NAPG: variants seen among roughly 807,000 people sequenced by gnomAD.
NAPG encodes gamma-soluble NSF attachment protein.
In NAPG, 25 loss-of-function variants were observed where a neutral mutation model predicts 48.4. The observed-to-expected ratio is 0.52, with a 90% confidence interval of 0.38 to 0.72. The LOEUF (loss-of-function observed/expected upper bound fraction) is 0.72. Among genes scored for constraint, NAPG ranks in the 30% least tolerant of loss-of-function variants. NAPG has a pLI of 0.00. For missense variants in NAPG, 359 were observed against 372.5 expected, an observed-to-expected ratio of 0.96 and a Z score of 0.30; for synonymous variants, 139 against 127.2, an observed-to-expected ratio of 1.09 and a Z score of -0.62.
chr18:10,538,653 C>T (rs1173602312), intron 5 of NAPG, among the ~76,000 whole-genome samples: 1 of 152,164 alleles, frequency 6.6e-6, no homozygotes, highest in African/African-American at 2.4e-5. Context: ...ATGATGAACT[C>T]TGTGTAGAAA....
chr18:10,548,870 C>G lies in NAPG; in HGVS notation c.666-97C>G, dbSNP rs73392655. ...CCCACACTTTTAAGTACCAAAATGT[C>G]TCCAGACAGTGTCACATGCCAGGGG... On this transcript the variant is annotated intron_variant, in intron 10 of 11. Transcript: ENST00000322897. The surrounding 1 kb of genome is among the most constrained non-coding windows in gnomAD (Gnocchi z 4.4). The G allele has an allele frequency of 5.6e-4, 813 of 1,451,718 alleles. 4 individuals carry two copies. The African/African-American group carries it at 0.01, about 18-fold the overall frequency. 89.9% of individuals were successfully genotyped at this position (1,451,718 alleles called of 1,614,324 possible).
rs1469357436 is a variant in NAPG, at chr18:10,551,820, A to T, written c.*1600A>T. The stretch of plus-strand genomic sequence containing the variant: ...GATGTTGGTATACAGTCTTTATTGT[A>T]AGTCTGATACAAAATGCTAATAAAT... On this transcript the variant is annotated 3_prime_UTR_variant, in exon 12 of 12. Transcript: ENST00000322897. 1.3e-5 allele frequency: 2 copies of T among 152,228 alleles called. No homozygotes were observed. Among genetic ancestry groups the T allele is most frequent in the Non-Finnish European group, 2.9e-5 (2 of 68,044 alleles). The allele number at this position is 152,228 out of a possible 1,614,324, so 9.4% of individuals were successfully genotyped here.
chr18:10,539,723 T>A lies in NAPG; in HGVS notation c.259-39T>A, dbSNP rs1262330231. ...GTTAACTCTGTTTTTCTTTAATTGATGCATTTGCTGACCTGTCTACTGTAT... is the reference window on the plus strand; with the variant it reads ...GTTAACTCTGTTTTTCTTTAATTGAAGCATTTGCTGACCTGTCTACTGTAT... On this transcript the variant is annotated intron_variant, in intron 5 of 11. Transcript: ENST00000322897. The surrounding 1 kb of genome is among the most constrained non-coding windows in gnomAD (Gnocchi z 4.7). The A allele has an allele frequency of 1.1e-5, 16 of 1,432,152 alleles. No homozygotes were observed. The highest frequency in any genetic ancestry group is 1.6e-5 in the Non-Finnish European group (16 of 1,026,208). The allele number at this position is 1,432,152 out of a possible 1,614,324, so 88.7% of individuals were successfully genotyped here. A position where few individuals can be genotyped will look rare whatever the true frequency, so the allele number is the denominator to read the frequency against.
chr18:10,538,390 A>C (rs2032079378), intron 5 of NAPG, among the ~76,000 whole-genome samples: 2 of 152,142 alleles, frequency 1.3e-5, no homozygotes, highest in African/African-American at 4.8e-5. Flanking sequence ...GTAGCTTTTG[A>C]TATTTTTTTG....
chr18:10,539,898 C>T lies in NAPG; in HGVS notation c.368+27C>T, dbSNP rs370625861. On this transcript the variant is annotated intron_variant, in intron 6 of 11. Coordinates refer to ENST00000322897, the MANE Select transcript of NAPG (RefSeq NM_003826.3). The surrounding 1 kb of genome is among the most constrained non-coding windows in gnomAD (Gnocchi z 4.7). Reference sequence around the variant, plus strand: ...TGAGTGTGAGATGGACAAGTCTCTGCATAGAAGTCTTGTCTTTTTGTTTTA... The same window carrying T: ...TGAGTGTGAGATGGACAAGTCTCTGTATAGAAGTCTTGTCTTTTTGTTTTA... 57 of 1,606,704 alleles carry T rather than the reference C, an allele frequency of 3.5e-5. No homozygotes were observed. In the East Asian group the frequency reaches 1.2e-3, roughly 35 times the overall value.
chr18:10,533,693 AC>A (rs1355102411), intron 4 of NAPG, 140 bp downstream of exon 4: 1 of 691,536 alleles, frequency 1.4e-6, no homozygotes, highest in Non-Finnish European at 2.3e-6. Flanking sequence ...TTCAGTTTTT[AC>A]CTAAACCTTA....
At position 10,539,895 on chromosome 18, in the gene NAPG, C is replaced by T. The variant is rs764904095; in HGVS notation, c.368+24C>T. 7.5e-6 allele frequency: 12 copies of T among 1,609,732 alleles called. No homozygotes were observed. The South Asian group carries it at 1.2e-4, about 16-fold the overall frequency. On this transcript the variant is annotated intron_variant, in intron 6 of 11. Transcript: ENST00000322897. This position sits in a 1 kb window ranked among gnomAD's most constrained non-coding sequence, Gnocchi z 4.7. ...AAGTGAGTGTGAGATGGACAAGTCT[C>T]TGCATAGAAGTCTTGTCTTTTTGTT...
intron 1 of NAPG, among the ~76,000 whole-genome samples, chr18:10,527,703 A>T (rs1398908643): frequency 6.7e-6 from 1 of 150,286 alleles, no homozygotes; most frequent in Non-Finnish European, 1.5e-5. Context: ...TCTGTGCGCA[A>T]CCTGTAGTAT....
chr18:10,530,103 T>G (rs1282590032), intron 1 of NAPG, among the ~76,000 whole-genome samples: 2 of 152,146 alleles, frequency 1.3e-5, no homozygotes, highest in African/African-American at 4.8e-5. Context: ...AAGCCAGTAG[T>G]GATCCTAGAA....
At position 10,534,860 on chromosome 18, in the gene NAPG, A is replaced by AT. The variant is rs774853811; in HGVS notation, c.258+365dup. On this transcript the variant is annotated intron_variant, in intron 5 of 11. Transcript: ENST00000322897. The surrounding 1 kb of genome is among the most constrained non-coding windows in gnomAD (Gnocchi z 5.0). ...TATAAATATTAAAAAATTATCATAC[A>AT]TGGGTTATAGAAGAGATTTTTACTT... 8.5e-5 allele frequency among the ~76,000 whole-genome samples: 13 copies of AT among 152,234 alleles called. No individual in the cohort carries two copies. The highest frequency in any genetic ancestry group is 6.2e-4 in the South Asian group (3 of 4,832).
chr18:10,548,516 C>A lies in NAPG; in HGVS notation c.665+138C>A. ...TAGGAGTGCTCATCTACCATTTCAT[C>A]TTTTACAGTGGGTGTTTTACACCTT... On this transcript the variant is annotated intron_variant, in intron 10 of 11. Coordinates refer to ENST00000322897, the MANE Select transcript of NAPG (RefSeq NM_003826.3). This position sits in a 1 kb window ranked among gnomAD's most constrained non-coding sequence, Gnocchi z 4.4. 1.6e-6 allele frequency: 1 copy of A among 640,118 alleles called. No individual in the cohort carries two copies. The highest frequency in any genetic ancestry group is 2.6e-6 in the Non-Finnish European group (1 of 384,476). The allele number at this position is 640,118 out of a possible 1,614,324, so 39.7% of individuals were successfully genotyped here. A position where few individuals can be genotyped will look rare whatever the true frequency, so the allele number is the denominator to read the frequency against.
intron 1 of NAPG, chr18:10,526,587 GAAC>G: frequency 5.5e-6 from 1 of 180,266 alleles, no homozygotes; most frequent in East Asian, 1.7e-4. Context: ...GTCATCTGGG[GAAC>G]AACATCGCTC....
At chr18:10,537,740 C>CA (rs1367142917) in intron 5 of NAPG, among the ~76,000 whole-genome samples, 1 of 151,816 alleles carries the variant, frequency 6.6e-6, no homozygotes, top group East Asian at 1.9e-4. Flanking sequence ...GGTTTTATAA[C>CA]AAAAAAAGTA....
Position 10,530,753 on chromosome 18 carries a change from T to C in NAPG, c.57-17T>C, listed in dbSNP as rs1178202107. ...TGTGGTTGGTAACTCCTGTTAACTG[T>C]GTTTTTTTCATTCTAGCCTGAAAAC... On this transcript the variant is annotated splice_polypyrimidine_tract_variant and intron_variant, in intron 1 of 11. Coordinates refer to ENST00000322897, the MANE Select transcript of NAPG (RefSeq NM_003826.3). 5 of 1,537,752 alleles carry C rather than the reference T, an allele frequency of 3.3e-6. No homozygotes were observed. Among genetic ancestry groups the C allele is most frequent in the Non-Finnish European group, 4.4e-6 (5 of 1,138,370 alleles).
At chr18:10,545,813 C>G (rs1013183378) in intron 8 of NAPG, among the ~76,000 whole-genome samples, 1 of 152,222 alleles carries the variant, frequency 6.6e-6, no homozygotes, top group Non-Finnish European at 1.5e-5. Flanking sequence ...TGCAGGAAGG[C>G]TTTTGTTTAG....
chr18:10,545,204 C>T (rs1432065078), intron 8 of NAPG, among the ~76,000 whole-genome samples: 5 of 151,784 alleles, frequency 3.3e-5, no homozygotes, highest in East Asian at 1.9e-4. Flanking sequence ...CCCAGCTACT[C>T]GGGAGGCTGA....
At position 10,550,939 on chromosome 18, in the gene NAPG, G is replaced by T. The variant is rs2032376594; in HGVS notation, c.*719G>T. On this transcript the variant is annotated 3_prime_UTR_variant, in exon 12 of 12. Transcript: ENST00000322897. ...CTGTCTTCAAATCTACTTGGTTCTTGACCAAATAGGAGCTAATGGGTAATG... is the reference window on the plus strand; with the variant it reads ...CTGTCTTCAAATCTACTTGGTTCTTTACCAAATAGGAGCTAATGGGTAATG... 1.3e-5 allele frequency: 2 copies of T among 151,482 alleles called. No homozygotes were observed. The highest frequency in any genetic ancestry group is 6.6e-5 in the Admixed American group (1 of 15,194). The allele number at this position is 151,482 out of a possible 1,614,324, so 9.4% of individuals were successfully genotyped here.
chr18:10,547,886 C>T (rs2032301468), intron 9 of NAPG, among the ~76,000 whole-genome samples: 1 of 152,064 alleles, frequency 6.6e-6, no homozygotes. Context: ...TTTAAGGATT[C>T]TAAGTATCAT....
chr18:10,526,071 C>G lies in NAPG; in HGVS notation c.-32C>G, dbSNP rs16974708. The G allele has an allele frequency of 3.1e-6, 5 of 1,607,622 alleles. No homozygotes were observed. The African/African-American group carries it at 5.3e-5, about 17-fold the overall frequency. Reference sequence around the variant, plus strand: ...GCGCCGGAGGAAGAGGCAGGGTCACCCTCTCTCCACGTCAGAGACCTGACT... The same window carrying G: ...GCGCCGGAGGAAGAGGCAGGGTCACGCTCTCTCCACGTCAGAGACCTGACT... On this transcript the variant is annotated 5_prime_UTR_variant, in exon 1 of 12. Transcript: ENST00000322897.
Sources: allele counts gnomAD v4.1 joint callset (sites outside exome capture counted in the v4.1 genomes callset), GRCh38; gene constraint gnomAD v4.1.1; non-coding constraint Gnocchi (gnomAD v3.1); transcripts MANE v1.5; gene names NCBI Gene and HGNC (gene_info 2026-07-23, HGNC 2026-07-21).